BCL7A: variants seen among roughly 807,000 people sequenced by gnomAD.
BCL7A encodes the protein BAF chromatin remodeling complex subunit BCL7A, also known as B-cell CLL/lymphoma 7 protein family member A.
In BCL7A, 11 loss-of-function variants were observed where a neutral mutation model predicts 28.4. That is an observed-to-expected ratio of 0.39 (90% CI 0.24 to 0.64). BCL7A has a LOEUF of 0.64. Ranked by LOEUF, BCL7A falls within the 30% of genes least tolerant of loss-of-function variation. BCL7A has a pLI of 0.50. For missense variants in BCL7A, 222 were observed against 274.8 expected, an observed-to-expected ratio of 0.81 and a Z score of 1.36; for synonymous variants, 123 against 103.3, an observed-to-expected ratio of 1.19 and a Z score of -1.15.
chr12:122,025,318 CAAAAAAAAAGAAAAA>C (rs898488065), intron 1 of BCL7A, among the ~76,000 whole-genome samples: 25 of 132,312 alleles, frequency 1.9e-4, no homozygotes, highest in Non-Finnish European at 9.8e-5. Flanking sequence ...GGTCTCAAAC[CAAAAAAAAAGAAAAA>C]GAAAAAAAAG....
Position 122,059,925 on chromosome 12 carries a change from C to T in BCL7A, c.*762C>T, listed in dbSNP as rs1565944732. The T allele has an allele frequency of 4.3e-6, 1 of 232,804 alleles. No individual in the cohort carries two copies. Among genetic ancestry groups the T allele is most frequent in the East Asian group, 6.1e-5 (1 of 16,508 alleles). The allele number at this position is 232,804 out of a possible 1,614,324, so 14.4% of individuals were successfully genotyped here. On this transcript the variant is annotated 3_prime_UTR_variant, in exon 6 of 6. Coordinates refer to ENST00000261822, the MANE Select transcript of BCL7A (RefSeq NM_001024808.3). The surrounding 1 kb of genome is among the most constrained non-coding windows in gnomAD (Gnocchi z 4.0). Reference sequence around the variant, plus strand: ...TTGGGGCGTTTAGGACTGGGCGTCTCCAAGCCCACCATGGCCCAGATGGAC... The same window carrying T: ...TTGGGGCGTTTAGGACTGGGCGTCTTCAAGCCCACCATGGCCCAGATGGAC...
At chr12:122,025,738 G>A (rs1883612533) in intron 1 of BCL7A, among the ~76,000 whole-genome samples, 2 of 151,792 alleles carry the variant, frequency 1.3e-5, no homozygotes, top group Admixed American at 1.3e-4. Context: ...CTGAAGTCAG[G>A]AGTTGGAAAC....
At position 122,059,299 on chromosome 12, in the gene BCL7A, A is replaced by G. The variant is rs1951900901; in HGVS notation, c.*136A>G. 36 of 772,658 alleles carry G rather than the reference A, an allele frequency of 4.7e-5. No individual in the cohort carries two copies. Among genetic ancestry groups the G allele is most frequent in the Non-Finnish European group, 7.1e-5 (34 of 478,118 alleles). 47.9% of individuals were successfully genotyped at this position (772,658 alleles called of 1,614,324 possible). A position where few individuals can be genotyped will look rare whatever the true frequency, so the allele number is the denominator to read the frequency against. On this transcript the variant is annotated 3_prime_UTR_variant, in exon 6 of 6. Coordinates refer to ENST00000261822, the MANE Select transcript of BCL7A (RefSeq NM_001024808.3). This position sits in a 1 kb window ranked among gnomAD's most constrained non-coding sequence, Gnocchi z 4.0. ...TTTCAAGTTTACCAAGTGCAAATCC[A>G]AGAAGACCCAGAACGGCGTCACTTC...
intron 1 of BCL7A, among the ~76,000 whole-genome samples, chr12:122,023,022 C>T (rs1293329088): frequency 6.6e-6 from 1 of 152,278 alleles, no homozygotes; most frequent in Non-Finnish European, 1.5e-5. Flanking sequence ...TTTTTGTTCT[C>T]TGCACCGGGG....
rs2065380542 is a variant in BCL7A at position 122,055,115 on chromosome 12, A to G, written c.561+189A>G. The G allele has an allele frequency of 2.5e-6, 3 of 1,187,398 alleles. No individual in the cohort carries two copies. The African/African-American group carries it at 4.6e-5, about 18-fold the overall frequency. The allele number at this position is 1,187,398 out of a possible 1,614,324, so 73.6% of individuals were successfully genotyped here. A position where few individuals can be genotyped will look rare whatever the true frequency, so the allele number is the denominator to read the frequency against. On this transcript the variant is annotated intron_variant, in intron 5 of 5. Coordinates refer to ENST00000261822, the MANE Select transcript of BCL7A (RefSeq NM_001024808.3). The stretch of plus-strand genomic sequence containing the variant: ...GGCTCTGCCTTGGGCTCTGGGGCCG[A>G]GGGATAATGAGACTTGTGGCCTCTG...
At chr12:122,039,183 G>T (rs770645675) in intron 3 of BCL7A, among the ~76,000 whole-genome samples, 3 of 151,820 alleles carry the variant, frequency 2.0e-5, no homozygotes, top group Non-Finnish European at 4.4e-5. Context: ...TGTAGTCCCA[G>T]CTACTCGGGA....
chr12:122,056,864 C>A (rs994822624), intron 5 of BCL7A, among the ~76,000 whole-genome samples: 2 of 152,112 alleles, frequency 1.3e-5, no homozygotes, highest in African/African-American at 4.8e-5. Context: ...TCCTGACTCC[C>A]TGCGATCCCT....
rs548843572 is a variant in BCL7A at position 122,061,921 on chromosome 12, ATT to A, written c.*2771_*2772del. 9.9e-4 allele frequency: 184 copies of A among 184,932 alleles called. No homozygotes were observed. The highest frequency in any genetic ancestry group is 1.5e-3 in the East Asian group (18 of 11,852). 11.5% of individuals were successfully genotyped at this position (184,932 alleles called of 1,614,324 possible). ...TACCTAATTTTTTCCCCTTTCAAGA[ATT>A]TTTTTTTTTTTTGGTGTGTTGTACA... On this transcript the variant is annotated 3_prime_UTR_variant, in exon 6 of 6. Coordinates refer to ENST00000261822, the MANE Select transcript of BCL7A (RefSeq NM_001024808.3).
chr12:122,042,528 G>A (rs1316773671), intron 3 of BCL7A, among the ~76,000 whole-genome samples: 2 of 151,540 alleles, frequency 1.3e-5, no homozygotes, highest in South Asian at 4.2e-4. Context: ...GGTGGCAGGC[G>A]CCTGTAATCT....
chr12:122,044,262 A>G (rs1884025591), intron 4 of BCL7A: 2 of 566,876 alleles, frequency 3.5e-6, no homozygotes, highest in South Asian at 2.6e-5. Flanking sequence ...TAATCCCTGC[A>G]CTTTAGGAGG....
At chr12:122,032,709 C>G (rs1028015908) in intron 2 of BCL7A, among the ~76,000 whole-genome samples, 5 of 152,184 alleles carry the variant, frequency 3.3e-5, no homozygotes, top group African/African-American at 2.4e-5. Context: ...CAGTAACATC[C>G]AAATCGCGGT....
chr12:122,039,319 A>AT (rs1555223362), intron 3 of BCL7A, among the ~76,000 whole-genome samples: 7 of 147,374 alleles, frequency 4.7e-5, no homozygotes, highest in Admixed American at 2.7e-4. Flanking sequence ...TTAAAAAAAA[A>AT]AATAATAATA....
intron 4 of BCL7A, among the ~76,000 whole-genome samples, chr12:122,053,709 G>T (rs959697589): frequency 1.2e-4 from 3 of 24,960 alleles, no homozygotes; most frequent in East Asian, 1.8e-3. Flanking sequence ...CATCCAGCCT[G>T]CACCTTCCTT....
At chr12:122,041,770 T>TA (rs897120927) in intron 3 of BCL7A, among the ~76,000 whole-genome samples, 1 of 151,598 alleles carries the variant, frequency 6.6e-6, no homozygotes, top group African/African-American at 2.4e-5. Flanking sequence ...TCTCTAAAAA[T>TA]AAAAAATACA....
chr12:122,033,539 C>T (rs1396276718), intron 2 of BCL7A, among the ~76,000 whole-genome samples: 1 of 152,096 alleles, frequency 6.6e-6, no homozygotes, highest in Non-Finnish European at 1.5e-5. Context: ...GTCTTGAGTT[C>T]TTGACATCAT....
chr12:122,041,894 C>G (rs985333855), intron 3 of BCL7A, among the ~76,000 whole-genome samples: 1 of 152,132 alleles, frequency 6.6e-6, no homozygotes, highest in Non-Finnish European at 1.5e-5. Context: ...CATGGCGAAA[C>G]CCCGTCTCTA....
intron 3 of BCL7A, among the ~76,000 whole-genome samples, chr12:122,038,364 G>A (rs936073830): frequency 1.5e-4 from 22 of 144,978 alleles, no homozygotes; most frequent in African/African-American, 4.4e-4. Flanking sequence ...TCTGGGAGGC[G>A]GAGGCTGCAG....
intron 1 of BCL7A, among the ~76,000 whole-genome samples, chr12:122,025,094 C>G (rs1593021023): frequency 2.0e-5 from 3 of 152,196 alleles, no homozygotes; most frequent in African/African-American, 4.8e-5. Context: ...AAAGGGAAAA[C>G]AAAATGGTGG....
intron 4 of BCL7A, among the ~76,000 whole-genome samples, chr12:122,046,525 C>T (rs772121210): frequency 6.6e-6 from 1 of 152,144 alleles, no homozygotes; most frequent in Non-Finnish European, 1.5e-5. Flanking sequence ...CTTCCTGCAC[C>T]CCAAGAACCC....
Sources: gnomAD v4.1 joint callset for allele counts (sites outside exome capture counted in the v4.1 genomes callset) on GRCh38, gnomAD v4.1.1 for gene constraint, Gnocchi (gnomAD v3.1) non-coding constraint, MANE v1.5 for transcripts, NCBI Gene and HGNC (gene_info 2026-07-23, HGNC 2026-07-21) for gene names.